Variants in CAT observed in about 807,000 individuals in gnomAD.
The protein encoded by CAT is epididymis secretory sperm binding protein.
Under a neutral mutation model 59.0 loss-of-function variants are expected in CAT, and 43 were observed. The observed-to-expected ratio is 0.73, with a 90% CI of 0.57 to 0.94. The LOEUF (loss-of-function observed/expected upper bound fraction) is 0.94. CAT is among the 40% of genes least tolerant of loss of function. CAT has a pLI of 0.00. For synonymous variants in CAT, 218 were observed against 230.9 expected, an observed-to-expected ratio of 0.94 and a Z score of 0.51; for missense variants, 664 against 682.9, an observed-to-expected ratio of 0.97 and a Z score of 0.31.
At position 34,448,399 on chromosome 11, in the gene CAT, C is replaced by T. The variant is rs980936097; in HGVS notation, c.67-793C>T. ...GCAGTTGTCTGTGGTCAAAAGTATTCTCTGACCATGGAACTAGATGAAGCT... is the reference window on the plus strand; with the variant it reads ...GCAGTTGTCTGTGGTCAAAAGTATTTTCTGACCATGGAACTAGATGAAGCT... On this transcript the variant is annotated intron_variant, in intron 1 of 12. Coordinates refer to ENST00000241052, the MANE Select transcript of CAT (RefSeq NM_001752.4). 2.0e-5 allele frequency among the ~76,000 whole-genome samples: 3 copies of T among 152,294 alleles called. No homozygotes were observed. The South Asian group carries it at 6.2e-4, about 32-fold the overall frequency.
intron 1 of CAT, among the ~76,000 whole-genome samples, chr11:34,448,578 C>A (rs1856486272): frequency 6.6e-6 from 1 of 152,110 alleles, no homozygotes; most frequent in Non-Finnish European, 1.5e-5. Context: ...ATTTCAGAGA[C>A]ATTTGCTATC....
chr11:34,452,592 A>G (rs1856537822), intron 4 of CAT, among the ~76,000 whole-genome samples: 2 of 152,106 alleles, frequency 1.3e-5, no homozygotes, highest in Admixed American at 1.3e-4. Context: ...GTGAAGAAAT[A>G]CTATAAATCC....
chr11:34,441,361 C>CT (rs1310518535), intron 1 of CAT, among the ~76,000 whole-genome samples: 6 of 152,196 alleles, frequency 3.9e-5, no homozygotes, highest in Non-Finnish European at 7.3e-5. Flanking sequence ...TCTGTCCATC[C>CT]TTTAATTCAT....
chr11:34,455,903 G>C, intron 6 of CAT, 108 bp from the exon 7 acceptor site: 1 of 860,068 alleles, frequency 1.2e-6, no homozygotes, highest in Non-Finnish European at 1.9e-6. Flanking sequence ...TGTAAAGAAA[G>C]TTCATTCTTT....
intron 9 of CAT, 25 bp from the exon 10 acceptor site, chr11:34,464,080 G>A: frequency 2.5e-6 from 4 of 1,613,792 alleles, no homozygotes; most frequent in Non-Finnish European, 3.4e-6. Context: ...ATTCCTAAGT[G>A]CATCTGGGTG....
At chr11:34,463,551 C>T (rs1323762300) in intron 9 of CAT, among the ~76,000 whole-genome samples, 1 of 152,146 alleles carries the variant, frequency 6.6e-6, no homozygotes, top group East Asian at 1.9e-4. Context: ...GTTCCAACCC[C>T]ATATCTACCA....
At position 34,453,134 on chromosome 11, in the gene CAT, T is replaced by C; in HGVS notation, c.525T>C (p.His175=). The stretch of plus-strand genomic sequence containing the variant: ...GCCAAAAGAGAAATCCTCAGACACA[T>C]CTGAAGGATCCGGACATGGTCTGGG... ...IHSQKRNPQT[H]LKDPDMVWDF... is the part of the protein sequence containing the mutation. The change falls in exon 5 of 13, where the codon CAT becomes CAC. Residue 175 remains histidine (H), a synonymous_variant. Transcript: ENST00000241052. 1 of 1,613,626 alleles carries C rather than the reference T, an allele frequency of 6.2e-7. No individual in the cohort carries two copies. Among genetic ancestry groups the C allele is most frequent in the Non-Finnish European group, 8.5e-7 (1 of 1,179,572 alleles).
Position 34,456,146 on chromosome 11 carries a change from G to T in CAT, c.847G>T (p.Val283Phe), listed in dbSNP as rs780399181. The change falls in exon 7 of 13, where the codon GTC becomes TTC. Residue 283 changes from valine (V) to phenylalanine (F), a missense_variant. Val to Phe is a conservative substitution (Grantham distance 50, BLOSUM62 -1). Coordinates refer to ENST00000241052, the MANE Select transcript of CAT (RefSeq NM_001752.4). ...CCCCTCCTGGACTTTTTACATCCAG[G>T]TCATGACATTTAATCAGGCAGAAAC... The part of the protein sequence containing the change: ...KYPSWTFYIQ[V>F]MTFNQAETFP... The T allele has an allele frequency of 1.2e-6, 2 of 1,613,932 alleles. No homozygotes were observed. The highest frequency in any genetic ancestry group is 2.2e-5 in the South Asian group (2 of 91,066).
At chr11:34,445,495 CAAAAAAAAAAAAAA>C (rs58169234) in intron 1 of CAT, among the ~76,000 whole-genome samples, 1 of 36,340 alleles carries the variant, frequency 2.8e-5, no homozygotes, top group Admixed American at 5.1e-4. Context: ...GACTCCATCT[CAAAAAAAAAAAAAA>C]AAAAAAAAAA....
intron 1 of CAT, among the ~76,000 whole-genome samples, chr11:34,448,583 G>A (rs950996325): frequency 6.6e-6 from 1 of 152,010 alleles, no homozygotes; most frequent in African/African-American, 2.4e-5. Flanking sequence ...AGAGACATTT[G>A]CTATCTTTAA....
At chr11:34,471,235 T>G in intron 12 of CAT, 133 bp from the exon 13 acceptor site, 3 of 885,978 alleles carry the variant, frequency 3.4e-6, no homozygotes, top group Middle Eastern at 2.2e-4. Flanking sequence ...ATTTTAGCGC[T>G]GGGCAATTTA....
At chr11:34,471,155 G>T (rs1856768783) in intron 12 of CAT, 114 bp downstream of exon 12, 6 of 974,936 alleles carry the variant, frequency 6.2e-6, no homozygotes, top group Non-Finnish European at 9.9e-6. Context: ...GCCACTGTTA[G>T]ATTTCTTAGG....
chr11:34,469,864 C>T (rs1856755987), intron 11 of CAT, among the ~76,000 whole-genome samples: 1 of 152,094 alleles, frequency 6.6e-6, no homozygotes, highest in Admixed American at 6.5e-5. Context: ...TGGGGTTTTG[C>T]CATGTTAACC....
intron 9 of CAT, 81 bp downstream of exon 9, chr11:34,461,470 C>G: frequency 6.5e-7 from 1 of 1,528,310 alleles, no homozygotes; most frequent in Non-Finnish European, 9.0e-7. Flanking sequence ...GCCAGTGGCT[C>G]TCAAGCTGGC....
Position 34,456,110 on chromosome 11 carries a change from A to C in CAT, c.811A>C (p.Thr271Pro), listed in dbSNP as rs568790817. ...GIRDLFNAIA[T>P]GKYPSWTFYI... The stretch of plus-strand genomic sequence containing the variant: ...CCGGGATCTTTTTAACGCCATTGCC[A>C]CAGGAAAGTACCCCTCCTGGACTTT... Residue 271 changes from threonine (T) to proline (P), a missense_variant, in exon 7 of 13, where the codon ACA (threonine) becomes CCA (proline). By Grantham distance (38) the Thr-to-Pro change is conservative. Coordinates refer to ENST00000241052, the MANE Select transcript of CAT (RefSeq NM_001752.4). 8 of 1,614,048 alleles carry C rather than the reference A, an allele frequency of 5.0e-6. No homozygotes were observed. The African/African-American group carries it at 9.3e-5, about 19-fold the overall frequency.
chr11:34,453,238 A>G, intron 5 of CAT, 44 bp downstream of exon 5: 2 of 1,134,980 alleles, frequency 1.8e-6, no homozygotes, highest in Admixed American at 3.4e-5. Context: ...CCTGGGATGC[A>G]GTGTTTAATT....
intron 8 of CAT, among the ~76,000 whole-genome samples, chr11:34,457,496 G>A (rs1024366152): frequency 1.3e-5 from 2 of 152,112 alleles, no homozygotes; most frequent in Admixed American, 6.5e-5. Flanking sequence ...GTGAGCCACC[G>A]TGGCTGGCCT....
At chr11:34,465,165 T>C (rs1195103750) in intron 10 of CAT, among the ~76,000 whole-genome samples, 1 of 152,260 alleles carries the variant, frequency 6.6e-6, no homozygotes, top group Non-Finnish European at 1.5e-5. Context: ...ATAGTTGTTC[T>C]AGAGCTCTGT....
At chr11:34,445,532 T>TAAA in intron 1 of CAT, among the ~76,000 whole-genome samples, 1 of 110,066 alleles carries the variant, frequency 9.1e-6, no homozygotes, top group Non-Finnish European at 1.8e-5. Flanking sequence ...AGAAAAACAG[T>TAAA]GACATAAACA....
Sources: allele counts gnomAD v4.1 joint callset (sites outside exome capture counted in the v4.1 genomes callset), GRCh38; gene constraint gnomAD v4.1.1; transcripts MANE v1.5; gene names NCBI Gene and HGNC (gene_info 2026-07-23, HGNC 2026-07-21).